PIGQ: variants seen among roughly 807,000 people sequenced by gnomAD.
PIGQ encodes the protein phosphatidylinositol N-acetylglucosaminyltransferase subunit Q.
Under a neutral mutation model 60.3 loss-of-function variants are expected in PIGQ, and 54 were observed. That is an observed-to-expected ratio of 0.90 (90% CI 0.72 to 1.12). The LOEUF is 1.12. Among genes scored for constraint, PIGQ ranks in the 50% most tolerant of loss-of-function variants. The probability of loss-of-function intolerance (pLI) is 0.00; values close to 1 mark genes in which losing one functional copy is unlikely to be tolerated. For synonymous variants in PIGQ, 416 were observed against 363.7 expected (o/e 1.14, Z -1.64); for missense variants, 799 against 793.5 (o/e 1.01, Z -0.08).
chr16:581,481 G>A, intron 9 of PIGQ: 1 of 411,564 alleles, frequency 2.4e-6, no homozygotes, highest in South Asian at 6.4e-5. Context: ...TTTTTTTTTT[G>A]AGACGGAGTC....
Position 583,109 on chromosome 16 carries a change from C to G in PIGQ, c.*74C>G. The G allele has an allele frequency of 1.2e-6, 2 of 1,613,142 alleles. No homozygotes were observed. Among genetic ancestry groups the G allele is most frequent in the Non-Finnish European group, 1.7e-6 (2 of 1,179,956 alleles). On this transcript the variant is annotated 3_prime_UTR_variant, in exon 11 of 11. Transcript: ENST00000321878. ...CTGCTCTGCCAGGGTGGCACCAGCT[C>G]AGCTGGCGCATGTCCTGTGCTTTGT...
chr16:571,006 G>A (rs2035608507), intron 1 of PIGQ, among the ~76,000 whole-genome samples: 1 of 149,222 alleles, frequency 6.7e-6, no homozygotes, highest in East Asian at 2.0e-4. Flanking sequence ...CTCATTCTTA[G>A]CAGAGGAAGC....
chr16:573,060 G>A (rs915464602), intron 1 of PIGQ, among the ~76,000 whole-genome samples: 5 of 152,208 alleles, frequency 3.3e-5, no homozygotes, highest in Non-Finnish European at 5.9e-5. Flanking sequence ...GTGGGGCCCC[G>A]CCAGGGAAGG....
chr16:571,894 CT>C (rs11403474), intron 1 of PIGQ, among the ~76,000 whole-genome samples: 37 of 148,168 alleles, frequency 2.5e-4, no homozygotes, highest in African/African-American at 4.5e-4. Flanking sequence ...ACACAAGGCA[CT>C]TTTTTTTTTT....
rs140668735 is a variant in PIGQ, at chr16:578,924, C to T, written c.1209C>T (p.Tyr403=). Reference sequence around the variant, plus strand: ...TCACCTTCCACATCTACTGCTTTTACGTCTATGGAGCCAGGTGGGCGTGGG... The same window carrying T: ...TCACCTTCCACATCTACTGCTTTTATGTCTATGGAGCCAGGTGGGCGTGGG... The part of the protein sequence containing the change: ...ALLTFHIYCF[Y]VYGARLYCLK... Residue 403 remains tyrosine, a synonymous_variant, in exon 6 of 11, where the codon TAC becomes TAT. Coordinates refer to ENST00000321878, the MANE Select transcript of PIGQ (RefSeq NM_004204.5). 1,286 of 1,608,740 alleles carry T rather than the reference C, an allele frequency of 8.0e-4. 2 individuals carry two copies. The highest frequency in any genetic ancestry group is 9.9e-4 in the Non-Finnish European group (1,167 of 1,178,746).
At chr16:575,791 G>A in intron 2 of PIGQ, 48 bp from the exon 3 acceptor site, 1 of 1,536,870 alleles carries the variant, frequency 6.5e-7, no homozygotes, top group Non-Finnish European at 8.8e-7. Context: ...GGGACGGTGG[G>A]AGGAGGATCT....
chr16:582,491 G>A (rs2035829976), intron 10 of PIGQ, 182 bp downstream of exon 10: 1 of 592,546 alleles, frequency 1.7e-6, no homozygotes, highest in South Asian at 2.2e-5. Context: ...CAGGGCCTGA[G>A]GACACTGGTG....
chr16:583,937 G>A lies in PIGQ; in HGVS notation c.*902G>A, dbSNP rs1054553426. 35 of 456,648 alleles carry A rather than the reference G, an allele frequency of 7.7e-5. No individual in the cohort carries two copies. The highest frequency in any genetic ancestry group is 6.3e-4 in the Middle Eastern group (1 of 1,578). 28.3% of individuals were successfully genotyped at this position (456,648 alleles called of 1,614,324 possible). A position where few individuals can be genotyped will look rare whatever the true frequency, so the allele number is the denominator to read the frequency against. On this transcript the variant is annotated 3_prime_UTR_variant, in exon 11 of 11. Coordinates refer to ENST00000321878, the MANE Select transcript of PIGQ (RefSeq NM_004204.5). ...GTGCGGGTGTTCCCTGTGAGCCCGA[G>A]TCCGCTTCAGGAGGGGAGCCTGCAG...
chr16:583,080 C>T lies in PIGQ; in HGVS notation c.*45C>T. ...GGCACCACCACACGGCCACAGCCAGCCATCTGCTCTGCCAGGGTGGCACCA... is the reference window on the plus strand; with the variant it reads ...GGCACCACCACACGGCCACAGCCAGTCATCTGCTCTGCCAGGGTGGCACCA... On this transcript the variant is annotated 3_prime_UTR_variant, in exon 11 of 11. Coordinates refer to ENST00000321878, the MANE Select transcript of PIGQ (RefSeq NM_004204.5). The T allele has an allele frequency of 6.2e-7, 1 of 1,613,034 alleles. No homozygotes were observed. Among genetic ancestry groups the T allele is most frequent in the Non-Finnish European group, 8.5e-7 (1 of 1,179,980 alleles).
In PIGQ at chr16:583,733, G is replaced by A. The variant is rs748967559; in HGVS notation, c.*698G>A. On this transcript the variant is annotated 3_prime_UTR_variant, in exon 11 of 11. Coordinates refer to ENST00000321878, the MANE Select transcript of PIGQ (RefSeq NM_004204.5). ...CCCACTGACCCAGCCGTACCTATTC[G>A]TCCACGGTGCCCCGTAGCAGCAGGT... 37 of 1,377,050 alleles carry A rather than the reference G, an allele frequency of 2.7e-5. 1 individual carries two copies. The highest frequency in any genetic ancestry group is 4.3e-5 in the African/African-American group (3 of 70,496). 85.3% of individuals were successfully genotyped at this position (1,377,050 alleles called of 1,614,324 possible).
chr16:572,564 T>TG, intron 1 of PIGQ: 1 of 423,634 alleles, frequency 2.4e-6, no homozygotes, highest in Non-Finnish European at 4.7e-6. Flanking sequence ...CCCTCGTCCC[T>TG]AAGGATGTGG....
Position 583,530 on chromosome 16 carries a change from G to C in PIGQ, c.*495G>C, listed in dbSNP as rs772389294. On this transcript the variant is annotated 3_prime_UTR_variant, in exon 11 of 11. Coordinates refer to ENST00000321878, the MANE Select transcript of PIGQ (RefSeq NM_004204.5). ...AGCCGAACAGCACCCTGCATCTGGG[G>C]GATTGAAGCAGTCGCTGACCCCCGT... is the stretch of plus-strand genomic sequence containing the variant. 6.2e-7 allele frequency: 1 copy of C among 1,612,492 alleles called. No homozygotes were observed. The highest frequency in any genetic ancestry group is 1.7e-5 in the Admixed American group (1 of 60,004).
In PIGQ at chr16:574,532, G is replaced by C. The variant is rs774179880; in HGVS notation, c.458G>C (p.Gly153Ala). ...ACCGTCCTGCCCGACCGCCAGGCTGGAGCCACCACTGCCAGCACGGGGGGC... is the reference window on the plus strand; with the variant it reads ...ACCGTCCTGCCCGACCGCCAGGCTGCAGCCACCACTGCCAGCACGGGGGGC... ...LPTVLPDRQA[G>A]ATTASTGGLA... Residue 153 changes from glycine (G) to alanine (A), a missense_variant, in exon 2 of 11, where the codon GGA becomes GCA. Physicochemically the swap from Gly to Ala is moderately conservative, Grantham distance 60. Transcript: ENST00000321878. 1.2e-6 allele frequency: 2 copies of C among 1,606,856 alleles called. No individual in the cohort carries two copies. The highest frequency in any genetic ancestry group is 1.7e-6 in the Non-Finnish European group (2 of 1,177,528).
Position 583,444 on chromosome 16 carries a change from TG to T in PIGQ, c.*414del, listed in dbSNP as rs778572990. ...CTCCCCAGTGGCTCTGCCCTGGCTG[TG>T]GGGGTGGAGGGACCTTGCCAGGATG... On this transcript the variant is annotated 3_prime_UTR_variant, in exon 11 of 11. Coordinates refer to ENST00000321878, the MANE Select transcript of PIGQ (RefSeq NM_004204.5). The T allele has an allele frequency of 3.7e-6, 6 of 1,612,666 alleles. No individual in the cohort carries two copies. In the South Asian group the frequency reaches 6.6e-5, roughly 18 times the overall value.
chr16:581,423 C>T (rs893438111), intron 9 of PIGQ: 9 of 974,874 alleles, frequency 9.2e-6, no homozygotes, highest in Non-Finnish European at 1.1e-5. Flanking sequence ...GGGCTCTTCC[C>T]TGCTTGCCGG....
Position 574,100 on chromosome 16 carries a change from C to A in PIGQ, c.26C>A (p.Thr9Lys). The change falls in exon 2 of 11, where the codon ACG (threonine) becomes AAG (lysine). Residue 9 changes from threonine (T) to lysine (K), a missense_variant. Thr to Lys is a moderately conservative substitution (Grantham distance 78, BLOSUM62 -1). Coordinates refer to ENST00000321878, the MANE Select transcript of PIGQ (RefSeq NM_004204.5). MVLKAFFP[T>K]CCVSTDSGLL... The stretch of plus-strand genomic sequence containing the variant: ...ATGGTGCTCAAGGCCTTCTTCCCCA[C>A]GTGCTGCGTCTCGACGGACAGCGGG... The A allele has an allele frequency of 6.2e-7, 1 of 1,607,648 alleles. No individual in the cohort carries two copies.
At chr16:582,418 T>C in intron 10 of PIGQ, 109 bp downstream of exon 10, 1 of 793,548 alleles carries the variant, frequency 1.3e-6, no homozygotes, top group Non-Finnish European at 2.0e-6. Flanking sequence ...TGCGATGAGG[T>C]ACAGGGAGGG....
At chr16:582,824 C>G in intron 10 of PIGQ, 59 bp from the exon 11 acceptor site, 1 of 1,531,276 alleles carries the variant, frequency 6.5e-7, no homozygotes, top group Non-Finnish European at 8.8e-7. Flanking sequence ...CCCACCCTCT[C>G]TCTGCAGACG....
chr16:578,260 G>A (rs913324965), intron 4 of PIGQ, 119 bp from the exon 5 acceptor site: 127 of 1,040,638 alleles, frequency 1.2e-4, no homozygotes, highest in East Asian at 6.5e-4. Flanking sequence ...GCTAGGACGC[G>A]GTAGACCCTG....
Sources: allele counts gnomAD v4.1 joint callset (sites outside exome capture counted in the v4.1 genomes callset), GRCh38; gene constraint gnomAD v4.1.1; transcripts MANE v1.5; gene names NCBI Gene and HGNC (gene_info 2026-07-23, HGNC 2026-07-21).